CAMK4: variants seen among roughly 807,000 people sequenced by gnomAD.
The protein encoded by CAMK4 is calcium/calmodulin dependent protein kinase IV.
A neutral mutation model predicts 44.9 loss-of-function variants in CAMK4; 22 were observed. That is an observed-to-expected ratio of 0.49 (90% CI 0.35 to 0.70). The LOEUF (loss-of-function observed/expected upper bound fraction) is 0.70. CAMK4 is among the 30% of genes least tolerant of loss of function. CAMK4 has a pLI of 0.01. For missense variants in CAMK4, 498 were observed against 586.8 expected (o/e 0.85, Z 1.56); for synonymous variants, 218 against 215.4 (o/e 1.01, Z -0.11).
intron 2 of CAMK4, among the ~76,000 whole-genome samples, chr5:111,356,746 T>C (rs1316792096): frequency 1.3e-5 from 2 of 152,194 alleles, no homozygotes; most frequent in Non-Finnish European, 2.9e-5. Context: ...GCCAGCACCA[T>C]TTATTAAATA....
intron 1 of CAMK4, among the ~76,000 whole-genome samples, chr5:111,275,421 T>A (rs1225062972): frequency 6.6e-6 from 1 of 152,120 alleles, no homozygotes; most frequent in African/African-American, 2.4e-5. Flanking sequence ...GCATACTTAT[T>A]GGTACTTTAT....
At chr5:111,323,892 C>T (rs1440467249) in intron 1 of CAMK4, among the ~76,000 whole-genome samples, 2 of 151,906 alleles carry the variant, frequency 1.3e-5, no homozygotes, top group African/African-American at 4.8e-5. Context: ...TCTTTTAAGT[C>T]AATTGATCGT....
Position 111,488,383 on chromosome 5 carries a change from C to T in CAMK4, c.*3917C>T, listed in dbSNP as rs1755705466. The T allele has an allele frequency of 6.6e-6, 1 of 152,186 alleles. No homozygotes were observed. The highest frequency in any genetic ancestry group is 2.4e-5 in the African/African-American group (1 of 41,452). 9.4% of individuals were successfully genotyped at this position (152,186 alleles called of 1,614,324 possible). On this transcript the variant is annotated 3_prime_UTR_variant, in exon 11 of 11. Transcript: ENST00000282356. ...ACAAAAGACTTTTGAAAATTTTTTA[C>T]ATACTGATTTTAGAATAATCCTCAA...
intron 1 of CAMK4, among the ~76,000 whole-genome samples, chr5:111,310,787 A>G (rs1342784463): frequency 6.6e-6 from 1 of 152,192 alleles, no homozygotes; most frequent in South Asian, 2.1e-4. Context: ...TAGCAGAACT[A>G]TAATAAGAAT....
At chr5:111,394,406 T>G (rs1478809190) in intron 4 of CAMK4, among the ~76,000 whole-genome samples, 1 of 152,194 alleles carries the variant, frequency 6.6e-6, no homozygotes, top group East Asian at 1.9e-4. Context: ...GGTGTTTCAT[T>G]GTATAATATC....
intron 7 of CAMK4, among the ~76,000 whole-genome samples, chr5:111,460,376 A>G (rs1463465467): frequency 2.0e-5 from 3 of 150,558 alleles, no homozygotes; most frequent in South Asian, 2.1e-4. Flanking sequence ...GGTTCAAGCA[A>G]TTCTCCTGCC....
rs768994269 is a variant in CAMK4 at position 111,482,957 on chromosome 5, G to C, written c.981+20G>C. The C allele has an allele frequency of 3.2e-5, 50 of 1,556,852 alleles. No homozygotes were observed. Among genetic ancestry groups the C allele is most frequent in the Non-Finnish European group, 4.2e-5 (49 of 1,155,450 alleles). The stretch of plus-strand genomic sequence containing the variant: ...CTTAAGGTAAGATAGCATATATTTT[G>C]TTTTGTTTTGTTTTGTTTTCAAAAA... On this transcript the variant is annotated intron_variant, in intron 10 of 10. Coordinates refer to ENST00000282356, the MANE Select transcript of CAMK4 (RefSeq NM_001744.6). The surrounding 1 kb of genome is among the most constrained non-coding windows in gnomAD (Gnocchi z 4.9).
intron 4 of CAMK4, among the ~76,000 whole-genome samples, chr5:111,392,566 A>G (rs1371922871): frequency 6.6e-6 from 1 of 152,170 alleles, no homozygotes; most frequent in Non-Finnish European, 1.5e-5. Flanking sequence ...TGAAAACATA[A>G]ATACAAACAC....
At chr5:111,357,408 C>T (rs562205832) in intron 2 of CAMK4, among the ~76,000 whole-genome samples, 29 of 152,208 alleles carry the variant, frequency 1.9e-4, no homozygotes, top group Admixed American at 1.6e-3. Context: ...AGCCTCAAAG[C>T]AGACTTAGGA....
intron 1 of CAMK4, among the ~76,000 whole-genome samples, chr5:111,258,838 C>T (rs1331918223): frequency 6.6e-6 from 1 of 151,298 alleles, no homozygotes; most frequent in Non-Finnish European, 1.5e-5. Flanking sequence ...TTCTGTTTAA[C>T]ACTTAAGAAA....
intron 1 of CAMK4, among the ~76,000 whole-genome samples, chr5:111,295,149 C>T (rs1217157955): frequency 2.0e-5 from 3 of 152,140 alleles, no homozygotes; most frequent in Admixed American, 1.3e-4. Context: ...CATGATAATT[C>T]GCCCAAATTG....
At chr5:111,350,852 T>C (rs1750076055) in intron 2 of CAMK4, among the ~76,000 whole-genome samples, 1 of 152,106 alleles carries the variant, frequency 6.6e-6, no homozygotes, top group African/African-American at 2.4e-5. Flanking sequence ...GTTTTTAACT[T>C]CCATTTATTT....
At chr5:111,365,404 A>ATTTCTTT (rs1164048928) in intron 2 of CAMK4, among the ~76,000 whole-genome samples, 4 of 152,126 alleles carry the variant, frequency 2.6e-5, no homozygotes, top group African/African-American at 9.6e-5. Context: ...AAAAGAACTG[A>ATTTCTTT]GAGGCAAGAA....
intron 1 of CAMK4, among the ~76,000 whole-genome samples, chr5:111,281,830 G>A (rs1338864215): frequency 1.3e-5 from 2 of 151,854 alleles, no homozygotes; most frequent in East Asian, 1.9e-4. Flanking sequence ...AGGCCGAGGC[G>A]GGCGGATCAC....
intron 5 of CAMK4, among the ~76,000 whole-genome samples, chr5:111,442,026 A>T (rs1408935930): frequency 3.3e-5 from 5 of 152,196 alleles, no homozygotes; most frequent in African/African-American, 4.8e-5. Context: ...TTTAAAAATC[A>T]GTTTTAAAAT....
intron 4 of CAMK4, among the ~76,000 whole-genome samples, chr5:111,387,988 C>G (rs1751665321): frequency 6.6e-6 from 1 of 152,202 alleles, no homozygotes; most frequent in African/African-American, 2.4e-5. Context: ...ACTTTTCAGT[C>G]AGCCATGGAT....
At chr5:111,427,896 C>T (rs1157161713) in intron 5 of CAMK4, among the ~76,000 whole-genome samples, 3 of 152,212 alleles carry the variant, frequency 2.0e-5, no homozygotes, top group Non-Finnish European at 4.4e-5. Flanking sequence ...TGAATGTAGG[C>T]GGTAGCCAGA....
intron 5 of CAMK4, among the ~76,000 whole-genome samples, chr5:111,414,354 C>G (rs749332127): frequency 6.6e-6 from 1 of 152,250 alleles, no homozygotes; most frequent in East Asian, 1.9e-4. Context: ...GCAGCATCCC[C>G]CTCTTCTTTC....
intron 5 of CAMK4, among the ~76,000 whole-genome samples, chr5:111,433,560 A>G (rs1350415517): frequency 1.3e-5 from 2 of 152,224 alleles, no homozygotes; most frequent in African/African-American, 2.4e-5. Flanking sequence ...CTAACAAGTT[A>G]CAATCCTACC....
Sources: allele counts gnomAD v4.1 joint callset (sites outside exome capture counted in the v4.1 genomes callset), GRCh38; gene constraint gnomAD v4.1.1; non-coding constraint Gnocchi (gnomAD v3.1); transcripts MANE v1.5; gene names NCBI Gene and HGNC (gene_info 2026-07-23, HGNC 2026-07-21).